The following ZNRF1 variants were observed in gnomAD, a reference collection of about 807,000 sequenced individuals.
The protein encoded by ZNRF1 is E3 ubiquitin-protein ligase ZNRF1.
Under a neutral mutation model 18.4 loss-of-function variants are expected in ZNRF1, and 3 were observed. That is an observed-to-expected ratio of 0.16 (90% confidence interval 0.07 to 0.42). The LOEUF is 0.42. Ranked by LOEUF, ZNRF1 falls within the 10% of genes least tolerant of loss-of-function variation. ZNRF1 has a pLI of 0.99. For missense variants in ZNRF1, 310 were observed against 329.8 expected (o/e 0.94, Z 0.47); for synonymous variants, 157 against 144.2 (o/e 1.09, Z -0.64).
At chr16:75,022,137 C>G (rs953698866) in intron 1 of ZNRF1, among the ~76,000 whole-genome samples, 13 of 152,174 alleles carry the variant, frequency 8.5e-5, no homozygotes, top group African/African-American at 2.9e-4. Flanking sequence ...CACCTGTAAT[C>G]CCAGCTACTT....
At chr16:75,014,654 C>G (rs2035043383) in intron 1 of ZNRF1, among the ~76,000 whole-genome samples, 1 of 151,958 alleles carries the variant, frequency 6.6e-6, no homozygotes, top group Non-Finnish European at 1.5e-5. Flanking sequence ...AGTGGGGTTA[C>G]AGGGTATGTG....
At chr16:75,041,622 G>A (rs976200707) in intron 1 of ZNRF1, among the ~76,000 whole-genome samples, 2 of 152,070 alleles carry the variant, frequency 1.3e-5, no homozygotes, top group African/African-American at 2.4e-5. Context: ...GAGCCACCGT[G>A]CCCAGTCCTC....
At chr16:75,066,840 C>G (rs1017138192) in intron 1 of ZNRF1, among the ~76,000 whole-genome samples, 1 of 152,036 alleles carries the variant, frequency 6.6e-6, no homozygotes, top group East Asian at 1.9e-4. Flanking sequence ...CTTCCTTTCT[C>G]GTTGACTTAG....
chr16:75,072,198 C>G (rs1242379767), intron 1 of ZNRF1, among the ~76,000 whole-genome samples: 1 of 152,070 alleles, frequency 6.6e-6, no homozygotes, highest in African/African-American at 2.4e-5. Context: ...TCTCGAACCC[C>G]TGGACTCAAG....
chr16:75,073,729 C>T (rs1206174166), intron 1 of ZNRF1, among the ~76,000 whole-genome samples: 8 of 152,012 alleles, frequency 5.3e-5, no homozygotes, highest in South Asian at 2.1e-4. Flanking sequence ...ACATGCTCTG[C>T]GGGGACCTTG....
chr16:75,095,830 T>A, intron 2 of ZNRF1: 3 of 1,339,974 alleles, frequency 2.2e-6, no homozygotes, highest in South Asian at 1.8e-5. Flanking sequence ...GTATCAGCAC[T>A]TGAGTGCCTG....
chr16:75,003,481 G>A (rs117194423), intron 1 of ZNRF1, among the ~76,000 whole-genome samples: 7 of 152,118 alleles, frequency 4.6e-5, no homozygotes, highest in African/African-American at 1.4e-4. Flanking sequence ...TATGGAGTAA[G>A]ACTGTTCTCT....
At chr16:75,095,860 C>A in intron 2 of ZNRF1, 2 of 1,017,528 alleles carry the variant, frequency 2.0e-6, no homozygotes, top group Non-Finnish European at 1.3e-6. Flanking sequence ...GTTTACCCCC[C>A]TACACCCCAC....
intron 1 of ZNRF1, among the ~76,000 whole-genome samples, chr16:75,053,003 C>G (rs1209894337): frequency 6.6e-6 from 1 of 152,188 alleles, no homozygotes; most frequent in Non-Finnish European, 1.5e-5. Flanking sequence ...CGCCCTCTGA[C>G]TTAGCTCCAT....
At chr16:75,004,670 A>G (rs1395573535) in intron 1 of ZNRF1, among the ~76,000 whole-genome samples, 1 of 152,098 alleles carries the variant, frequency 6.6e-6, no homozygotes, top group Non-Finnish European at 1.5e-5. Flanking sequence ...CTGGAGTGCC[A>G]TGGTGCAATC....
At chr16:75,023,876 CTT>C (rs565608727) in intron 1 of ZNRF1, among the ~76,000 whole-genome samples, 2 of 142,506 alleles carry the variant, frequency 1.4e-5, no homozygotes, top group Non-Finnish European at 1.5e-5. Context: ...ATTTTATTTT[CTT>C]TTTTTTTTTT....
chr16:74,999,754 C>A lies in ZNRF1; in HGVS notation c.83C>A (p.Pro28Gln). 1 of 1,392,560 alleles carries A rather than the reference C, an allele frequency of 7.2e-7. No homozygotes were observed. The highest frequency in any genetic ancestry group is 9.3e-7 in the Non-Finnish European group (1 of 1,079,876). The allele number at this position is 1,392,560 out of a possible 1,614,324, so 86.3% of individuals were successfully genotyped here. ...VSTDDSAVPPPGGAPHFGHYR... is the reference protein window; with the variant it reads ...VSTDDSAVPPQGGAPHFGHYR... ...ACCGATGACAGCGCCGTGCCGCCGC[C>A]GGGAGGGGCGCCCCATTTCGGGCAC... The change falls in exon 1 of 5, where the codon CCG (proline) becomes CAG (glutamine). Residue 28 changes from proline (P) to glutamine (Q), a missense_variant. Physicochemically the swap from Pro to Gln is moderately conservative, Grantham distance 76. Coordinates refer to ENST00000335325, the MANE Select transcript of ZNRF1 (RefSeq NM_032268.5).
At chr16:75,095,004 C>G (rs1195743085) in intron 2 of ZNRF1, 1 of 152,162 alleles carries the variant, frequency 6.6e-6, no homozygotes, top group Non-Finnish European at 1.5e-5. Flanking sequence ...CTGCAGCCTC[C>G]TCACTCCCAG....
intron 2 of ZNRF1, 47 bp from the exon 3 acceptor site, chr16:75,104,737 T>G (rs908148748): frequency 6.5e-7 from 1 of 1,528,716 alleles, no homozygotes; most frequent in African/African-American, 1.4e-5. Context: ...ATGCCACCTG[T>G]CCACTGGTGA....
At chr16:75,061,731 A>G (rs902196617) in intron 1 of ZNRF1, among the ~76,000 whole-genome samples, 2 of 152,238 alleles carry the variant, frequency 1.3e-5, no homozygotes, top group Admixed American at 6.5e-5. Context: ...CATAAAAAGT[A>G]TGGGACTTCT....
chr16:75,050,944 G>A (rs2035592589), intron 1 of ZNRF1, among the ~76,000 whole-genome samples: 1 of 145,618 alleles, frequency 6.9e-6, no homozygotes. Context: ...TGTAATCCTA[G>A]CACTTTGGGA....
At chr16:75,048,897 T>A (rs1396224318) in intron 1 of ZNRF1, among the ~76,000 whole-genome samples, 1 of 152,216 alleles carries the variant, frequency 6.6e-6, no homozygotes, top group African/African-American at 2.4e-5. Context: ...ATTAAAAAAA[T>A]TTTAATGACT....
chr16:75,079,002 C>T (rs571257883), intron 1 of ZNRF1, among the ~76,000 whole-genome samples: 31 of 152,328 alleles, frequency 2.0e-4, no homozygotes, highest in Admixed American at 5.2e-4. Context: ...TCCTCCATGC[C>T]TTACTCCCAA....
chr16:75,098,141 G>C (rs1026206448), intron 2 of ZNRF1, among the ~76,000 whole-genome samples: 2 of 152,246 alleles, frequency 1.3e-5, no homozygotes, highest in African/African-American at 4.8e-5. Flanking sequence ...AGGGCGAGGA[G>C]GGGCAGGTGA....
Sources: allele counts gnomAD v4.1 joint callset (sites outside exome capture counted in the v4.1 genomes callset), GRCh38; gene constraint gnomAD v4.1.1; transcripts MANE v1.5; gene names NCBI Gene and HGNC (gene_info 2026-07-23, HGNC 2026-07-21).